The following PSMD14 variants were observed in gnomAD, a reference collection of about 807,000 sequenced individuals.
PSMD14 encodes the protein proteasome 26S subunit, non-ATPase 14.
In PSMD14, 7 loss-of-function variants were observed where a neutral mutation model predicts 41.2. The observed-to-expected ratio is 0.17, with a 90% CI of 0.10 to 0.32. The LOEUF is 0.32. Ranked by LOEUF, PSMD14 falls within the 10% of genes least tolerant of loss-of-function variation. The probability of loss-of-function intolerance (pLI) is 1.00; values close to 1 mark genes in which losing one functional copy is unlikely to be tolerated. For missense variants in PSMD14, 139 were observed against 375.6 expected, an observed-to-expected ratio of 0.37 and a Z score of 5.21; for synonymous variants, 114 against 122.3, an observed-to-expected ratio of 0.93 and a Z score of 0.45.
intron 10 of PSMD14, among the ~76,000 whole-genome samples, chr2:161,406,955 TTTG>T (rs1470333626): frequency 6.6e-6 from 1 of 152,148 alleles, no homozygotes; most frequent in African/African-American, 2.4e-5. Context: ...ATCTACCATC[TTTG>T]TTGTTTGCAA....
At chr2:161,364,849 A>G (rs908745904) in intron 3 of PSMD14, among the ~76,000 whole-genome samples, 1 of 152,102 alleles carries the variant, frequency 6.6e-6, no homozygotes, top group Non-Finnish European at 1.5e-5. Context: ...CACGCCTGTA[A>G]TGCTAGCACT....
At chr2:161,407,286 T>G (rs532470788) in intron 10 of PSMD14, among the ~76,000 whole-genome samples, 2 of 152,190 alleles carry the variant, frequency 1.3e-5, no homozygotes, top group African/African-American at 2.4e-5. Flanking sequence ...TAGGAAATAC[T>G]TTTATAACTG....
At chr2:161,401,262 GT>G (rs1199282792) in intron 10 of PSMD14, among the ~76,000 whole-genome samples, 6 of 152,154 alleles carry the variant, frequency 3.9e-5, no homozygotes, top group Non-Finnish European at 8.8e-5. Flanking sequence ...TGTGTTAACT[GT>G]TTATATTATC....
intron 3 of PSMD14, among the ~76,000 whole-genome samples, chr2:161,356,525 A>G (rs1237669310): frequency 6.6e-6 from 1 of 152,218 alleles, no homozygotes; most frequent in East Asian, 1.9e-4. Context: ...TGAGGGTTAT[A>G]TTAGATACCA....
intron 3 of PSMD14, among the ~76,000 whole-genome samples, chr2:161,361,353 G>A (rs1683286944): frequency 6.6e-6 from 1 of 152,058 alleles, no homozygotes; most frequent in Non-Finnish European, 1.5e-5. Flanking sequence ...TAGATAACCT[G>A]AATTTATCAA....
At chr2:161,342,581 A>G (rs886841296) in intron 3 of PSMD14, among the ~76,000 whole-genome samples, 1 of 151,566 alleles carries the variant, frequency 6.6e-6, no homozygotes, top group African/African-American at 2.4e-5. Context: ...AGTTTCTTGT[A>G]GGCAGCGTGT....
chr2:161,380,589 T>C (rs1409762270), intron 7 of PSMD14, among the ~76,000 whole-genome samples: 1 of 151,952 alleles, frequency 6.6e-6, no homozygotes, highest in Non-Finnish European at 1.5e-5. Context: ...TCTCCGAGGA[T>C]GAAGAAAGAA....
chr2:161,399,749 T>A (rs760509223), intron 10 of PSMD14, among the ~76,000 whole-genome samples: 10 of 152,156 alleles, frequency 6.6e-5, no homozygotes, highest in South Asian at 2.1e-4. Context: ...AGAATTTTTT[T>A]AGGAAAATAT....
chr2:161,410,842 T>G (rs563460267), intron 11 of PSMD14, among the ~76,000 whole-genome samples: 5 of 152,116 alleles, frequency 3.3e-5, no homozygotes, highest in Non-Finnish European at 7.4e-5. Context: ...TTTGCTATTA[T>G]AAAACATAGA....
At chr2:161,379,756 G>A (rs975890155) in intron 7 of PSMD14, among the ~76,000 whole-genome samples, 1 of 152,058 alleles carries the variant, frequency 6.6e-6, no homozygotes, top group African/African-American at 2.4e-5. Context: ...ACCATGCAAA[G>A]GAGAAAGTGA....
intron 3 of PSMD14, among the ~76,000 whole-genome samples, chr2:161,339,608 G>C (rs1682920658): frequency 6.6e-6 from 1 of 151,036 alleles, no homozygotes; most frequent in African/African-American, 2.4e-5. Flanking sequence ...GTGCCTATAA[G>C]CCAGGGTCGG....
chr2:161,401,306 T>A (rs975899381), intron 10 of PSMD14, among the ~76,000 whole-genome samples: 1 of 152,240 alleles, frequency 6.6e-6, no homozygotes, highest in Non-Finnish European at 1.5e-5. Flanking sequence ...AGGCTATTAA[T>A]AGTTAAGTTT....
chr2:161,358,673 G>A lies in PSMD14; in HGVS notation c.49-8805G>A, dbSNP rs762448543. Among the ~76,000 whole-genome samples, 34 of 152,222 alleles carry A rather than the reference G, an allele frequency of 2.2e-4. No homozygotes were observed. In the South Asian group the frequency reaches 3.3e-3, roughly 15 times the overall value. The stretch of plus-strand genomic sequence containing the variant: ...ATGTTTAAAGAGCCTGGCCGGGCAC[G>A]GTGGCTCACGCCTGTAATCCCAACA... On this transcript the variant is annotated intron_variant, in intron 3 of 11. Coordinates refer to ENST00000409682, the MANE Select transcript of PSMD14 (RefSeq NM_005805.6).
At chr2:161,410,954 A>G (rs995239054) in intron 11 of PSMD14, among the ~76,000 whole-genome samples, 7 of 152,152 alleles carry the variant, frequency 4.6e-5, no homozygotes, top group Non-Finnish European at 1.0e-4. Flanking sequence ...TAGAGAATAT[A>G]CACATATATT....
chr2:161,411,663 G>C lies in PSMD14; in HGVS notation c.*263G>C, dbSNP rs374221229. The C allele has an allele frequency of 3.6e-5, 8 of 219,564 alleles. No individual in the cohort carries two copies. Among genetic ancestry groups the C allele is most frequent in the South Asian group, 1.6e-4 (1 of 6,154 alleles). The allele number at this position is 219,564 out of a possible 1,614,324, so 13.6% of individuals were successfully genotyped here. ...TCCCATTTAATATTTGAAAAAATCA[G>C]TAGCACAAATATATTTTGATTGTCA... On this transcript the variant is annotated 3_prime_UTR_variant, in exon 12 of 12. Coordinates refer to ENST00000409682, the MANE Select transcript of PSMD14 (RefSeq NM_005805.6).
At chr2:161,372,207 A>G (rs926165412) in intron 7 of PSMD14, among the ~76,000 whole-genome samples, 21 of 152,096 alleles carry the variant, frequency 1.4e-4, no homozygotes, top group Non-Finnish European at 2.5e-4. Context: ...ATGTACTTCC[A>G]TTGTAGTGTA....
chr2:161,359,498 GAT>G (rs1491193503), intron 3 of PSMD14, among the ~76,000 whole-genome samples: 1 of 151,676 alleles, frequency 6.6e-6, no homozygotes, highest in Non-Finnish European at 1.5e-5. Flanking sequence ...TTAAGGCAAA[GAT>G]TTTTTTTTTA....
At chr2:161,389,465 T>G (rs1475754037) in intron 8 of PSMD14, among the ~76,000 whole-genome samples, 1 of 152,182 alleles carries the variant, frequency 6.6e-6, no homozygotes, top group African/African-American at 2.4e-5. Flanking sequence ...GTATAGCATT[T>G]TTATGCACTA....
intron 10 of PSMD14, among the ~76,000 whole-genome samples, chr2:161,407,356 T>G (rs115090820): frequency 3.3e-5 from 5 of 152,272 alleles, no homozygotes; most frequent in African/African-American, 1.2e-4. Flanking sequence ...AGATTTGGCA[T>G]GTTATTAACT....
Sources: gnomAD v4.1 joint callset for allele counts (sites outside exome capture counted in the v4.1 genomes callset) on GRCh38, gnomAD v4.1.1 for gene constraint, MANE v1.5 for transcripts, NCBI Gene and HGNC (gene_info 2026-07-23, HGNC 2026-07-21) for gene names.